Variants in HACL1 observed in about 807,000 individuals in gnomAD.
HACL1 encodes the protein 2-hydroxyacyl-CoA lyase 1, also known as 1600020H07Rik.
HACL1 carries 64 observed loss-of-function variants against 74.2 expected under a neutral mutation model. That is an observed-to-expected ratio of 0.86 (90% confidence interval 0.70 to 1.06). HACL1 has a LOEUF of 1.06. Ranked by LOEUF, HACL1 falls within the 50% of genes least tolerant of loss-of-function variation. HACL1 has a pLI of 0.00. For missense variants in HACL1, 728 were observed against 719.7 expected (o/e 1.01, Z -0.13); for synonymous variants, 230 against 238.8 (o/e 0.96, Z 0.34).
rs776637232 is a variant in HACL1 at position 15,585,270 on chromosome 3, G to GA, written c.531dup (p.Gln178SerfsTer19). 3 of 1,580,926 alleles carry GA rather than the reference G, an allele frequency of 1.9e-6. No individual in the cohort carries two copies. The highest frequency in any genetic ancestry group is 1.7e-6 in the Non-Finnish European group (2 of 1,149,788). On this transcript the variant is annotated frameshift_variant, in exon 7 of 17. Transcript: ENST00000321169. LOFTEE classifies it high-confidence loss of function. ...CACTTTATAGAATTCACATTCACCT[G>GA]AAGGTTCACAAAATCTGCTGGTATG...
In HACL1 at chr3:15,580,049, T is replaced by A. The variant is rs917740039; in HGVS notation, c.668-4A>T. 1 of 1,610,794 alleles carries A rather than the reference T, an allele frequency of 6.2e-7. No homozygotes were observed. Among genetic ancestry groups the A allele is most frequent in the Non-Finnish European group, 8.5e-7 (1 of 1,177,582 alleles). On this transcript the variant is annotated splice_region_variant and splice_polypyrimidine_tract_variant and intron_variant, in intron 8 of 16. Transcript: ENST00000321169. ...TCTGCATGAGCGTAAGCAGCACCTATAAGAAATGCAAATGTATTGGACAAT... is the reference window on the plus strand; with the variant it reads ...TCTGCATGAGCGTAAGCAGCACCTAAAAGAAATGCAAATGTATTGGACAAT...
At chr3:15,583,833 T>C (rs1466291756) in intron 7 of HACL1, among the ~76,000 whole-genome samples, 1 of 151,910 alleles carries the variant, frequency 6.6e-6, no homozygotes, top group Non-Finnish European at 1.5e-5. Context: ...AATTTTTGTA[T>C]TTTTCGTAGA....
rs149522163 is a variant in HACL1, at chr3:15,567,242, G to A, written c.1409+602C>T. Among the ~76,000 whole-genome samples the A allele has an allele frequency of 6.8e-4, 82 of 120,548 alleles. 1 individual carries two copies. The highest frequency in any genetic ancestry group is 6.3e-3 in the Middle Eastern group (1 of 160). 79.1% of individuals were successfully genotyped at this position (120,548 alleles called of 152,430 possible). A position where few individuals can be genotyped will look rare whatever the true frequency, so the allele number is the denominator to read the frequency against. Reference sequence around the variant, plus strand: ...TTTTTTTTTTTTGAGATGGAGTCTCGCTCTGTCACCCAGGCTAGAGTGCAG... The same window carrying A: ...TTTTTTTTTTTTGAGATGGAGTCTCACTCTGTCACCCAGGCTAGAGTGCAG... On this transcript the variant is annotated intron_variant, in intron 14 of 16. Transcript: ENST00000321169.
In HACL1 at chr3:15,580,026, T is replaced by C. The variant is rs1189343702; in HGVS notation, c.687A>G (p.Ala229=). 1.2e-6 allele frequency: 2 copies of C among 1,612,358 alleles called. No individual in the cohort carries two copies. Among genetic ancestry groups the C allele is most frequent in the East Asian group, 2.2e-5 (1 of 44,864 alleles). Residue 229 remains alanine, a synonymous_variant, in exon 9 of 17, where the codon GCA becomes GCG. Transcript: ENST00000321169. ...IIGKGAAYAH[A]EESIKKLVEQ... The stretch of plus-strand genomic sequence containing the variant: ...CCACCAATTTCTTGATACTCTCTTC[T>C]GCATGAGCGTAAGCAGCACCTATAA...
intron 2 of HACL1, 59 bp downstream of exon 2, chr3:15,601,031 C>A: frequency 9.8e-7 from 1 of 1,017,554 alleles, no homozygotes; most frequent in Non-Finnish European, 1.6e-6. Flanking sequence ...GCAATGCATA[C>A]CTACCGCTAT....
intron 3 of HACL1, among the ~76,000 whole-genome samples, chr3:15,592,532 G>GTA (rs1307466377): frequency 3.5e-5 from 5 of 142,688 alleles, no homozygotes; most frequent in African/African-American, 1.0e-4. Flanking sequence ...ATATACACAT[G>GTA]TATACACATG....
At position 15,560,757 on chromosome 3, in the gene HACL1, G is replaced by A; in HGVS notation, c.*108C>T. On this transcript the variant is annotated 3_prime_UTR_variant, in exon 17 of 17. Coordinates refer to ENST00000321169, the MANE Select transcript of HACL1 (RefSeq NM_012260.4). Reference sequence around the variant, plus strand: ...TTTACTGTAAAATGTCATTTTAAATGTTTATTTTATTTTGCACAATTTTAA... The same window carrying A: ...TTTACTGTAAAATGTCATTTTAAATATTTATTTTATTTTGCACAATTTTAA... The A allele has an allele frequency of 1.3e-6, 1 of 775,302 alleles. No individual in the cohort carries two copies. Among genetic ancestry groups the A allele is most frequent in the Non-Finnish European group, 2.2e-6 (1 of 448,434 alleles). 48.0% of individuals were successfully genotyped at this position (775,302 alleles called of 1,614,324 possible).
At chr3:15,571,827 T>TTG in intron 11 of HACL1, 58 bp from the exon 12 acceptor site, 1 of 418,336 alleles carries the variant, frequency 2.4e-6, no homozygotes. Flanking sequence ...TGCCTTTTTT[T>TTG]TCTTTTTTTT....
chr3:15,601,178 A>C lies in HACL1; in HGVS notation c.98T>G (p.Phe33Cys). Reference sequence around the variant, plus strand: ...GGTCACTGGGATGCCTACGATGCCAAATATGTACTCCACATCCTGAGGAAC... The same window carrying C: ...GGTCACTGGGATGCCTACGATGCCACATATGTACTCCACATCCTGAGGAAC... ...ALKTQDVEYI[F>C]GIVGIPVTEI... Residue 33 changes from phenylalanine to cysteine, a missense_variant, in exon 2 of 17, where the codon TTT (phenylalanine) becomes TGT (cysteine). By Grantham distance (205) the Phe-to-Cys change is radical. Transcript: ENST00000321169. The C allele has an allele frequency of 6.2e-7, 1 of 1,612,698 alleles. No individual in the cohort carries two copies. Among genetic ancestry groups the C allele is most frequent in the Non-Finnish European group, 8.5e-7 (1 of 1,178,676 alleles).
intron 11 of HACL1, among the ~76,000 whole-genome samples, 198 bp downstream of exon 11, chr3:15,572,961 C>T (rs892970580): frequency 4.6e-5 from 7 of 152,164 alleles, no homozygotes; most frequent in African/African-American, 1.4e-4. Flanking sequence ...GCTTAACTTA[C>T]ATAAAAATGA....
At chr3:15,590,743 C>T (rs371687589) in intron 4 of HACL1, among the ~76,000 whole-genome samples, 3 of 152,172 alleles carry the variant, frequency 2.0e-5, no homozygotes, top group Admixed American at 1.3e-4. Context: ...ACTACACATA[C>T]GTTCACACAT....
rs2063463938 is a variant in HACL1 at position 15,567,908 on chromosome 3, T to C, written c.1345A>G (p.Ile449Val). 1.2e-6 allele frequency: 2 copies of C among 1,614,112 alleles called. No homozygotes were observed. The highest frequency in any genetic ancestry group is 1.1e-5 in the South Asian group (1 of 91,084). ...VAKDRSPGQW[I>V]ICVEGDSAFG... The stretch of plus-strand genomic sequence containing the variant: ...GCACTGTCTCCTTCCACACAGATGA[T>C]CCATTGCCCAGGGCTTCTATCTTTA... The change falls in exon 14 of 17, where the codon ATC becomes GTC. Residue 449 changes from isoleucine to valine, a missense_variant. Physicochemically the swap from Ile to Val is conservative, Grantham distance 29. Transcript: ENST00000321169.
chr3:15,564,156 A>C (rs988204137), intron 15 of HACL1, among the ~76,000 whole-genome samples: 3 of 152,240 alleles, frequency 2.0e-5, no homozygotes, highest in African/African-American at 7.2e-5. Context: ...CAGATGATCA[A>C]GATTTAGCTA....
intron 5 of HACL1, among the ~76,000 whole-genome samples, chr3:15,587,721 G>A (rs1039818592): frequency 2.0e-5 from 3 of 151,930 alleles, no homozygotes; most frequent in Non-Finnish European, 2.9e-5. Context: ...AACTGTTATC[G>A]TCTACTATTA....
intron 9 of HACL1, among the ~76,000 whole-genome samples, chr3:15,579,609 G>C (rs1353440559): frequency 6.6e-6 from 1 of 151,986 alleles, no homozygotes; most frequent in East Asian, 1.9e-4. Flanking sequence ...AATCCCAAAA[G>C]GCTAAATTAA....
chr3:15,568,934 C>T (rs2063478612), intron 12 of HACL1, among the ~76,000 whole-genome samples: 1 of 152,224 alleles, frequency 6.6e-6, no homozygotes, highest in East Asian at 1.9e-4. Flanking sequence ...TATTTGAGCA[C>T]TCTTAGGAAA....
At chr3:15,562,965 C>T (rs1197719183) in intron 16 of HACL1, among the ~76,000 whole-genome samples, 1 of 145,210 alleles carries the variant, frequency 6.9e-6, no homozygotes, top group Non-Finnish European at 1.5e-5. Flanking sequence ...TAAGAATCAC[C>T]TCCTCTGAGA....
intron 14 of HACL1, among the ~76,000 whole-genome samples, chr3:15,565,027 T>C (rs1215256355): frequency 6.6e-6 from 1 of 152,118 alleles, no homozygotes; most frequent in South Asian, 2.1e-4. Flanking sequence ...TAGCTGTGCA[T>C]GGTGGCATGT....
chr3:15,591,518 C>G (rs2125277282), intron 4 of HACL1, 82 bp downstream of exon 4: 2 of 744,430 alleles, frequency 2.7e-6, no homozygotes, highest in Non-Finnish European at 4.5e-6. Flanking sequence ...TCTTTCTACC[C>G]TAGATCAGCA....
Sources: allele counts gnomAD v4.1 joint callset (sites outside exome capture counted in the v4.1 genomes callset), GRCh38; gene constraint gnomAD v4.1.1; transcripts MANE v1.5; gene names NCBI Gene and HGNC (gene_info 2026-07-23, HGNC 2026-07-21).